Variants in POLK observed in about 807,000 individuals in gnomAD.
POLK encodes DNA polymerase kappa.
In POLK, 76 loss-of-function variants were observed where a neutral mutation model predicts 94.0. That is an observed-to-expected ratio of 0.81 (90% CI 0.67 to 0.98). POLK has a LOEUF of 0.98. Ranked by LOEUF, POLK falls within the 50% of genes least tolerant of loss-of-function variation. POLK has a pLI of 0.00. For synonymous variants in POLK, 349 were observed against 325.4 expected (o/e 1.07, Z -0.78); for missense variants, 954 against 1,010.1 (o/e 0.94, Z 0.75).
chr5:75,607,782 T>C, the POLK span, among the ~76,000 whole-genome samples: 2 of 152,168 alleles, frequency 1.3e-5, no homozygotes, highest in Non-Finnish European at 2.9e-5. Context: ...TCCTATTAAT[T>C]ATAGCTGAAT....
intron 1 of POLK, among the ~76,000 whole-genome samples, chr5:75,533,380 A>G (rs909414625): frequency 1.3e-5 from 2 of 152,170 alleles, no homozygotes; most frequent in African/African-American, 4.8e-5. Flanking sequence ...ATTTTGTCAA[A>G]TATCAAATGA....
upstream of POLK, chr5:75,511,508 C>A: frequency 2.0e-6 from 3 of 1,477,524 alleles, no homozygotes; most frequent in Admixed American, 2.5e-5. Flanking sequence ...TTAGCCCCCT[C>A]GATGCCAATT....
intron 10 of POLK, 21 bp from the exon 11 acceptor site, chr5:75,590,323 A>T (rs755491913): frequency 7.0e-7 from 1 of 1,427,748 alleles, no homozygotes; most frequent in South Asian, 1.3e-5. Context: ...TTGTGCGCCA[A>T]AATTATTCTT....
At chr5:75,528,773 C>T (rs764425699) in intron 1 of POLK, among the ~76,000 whole-genome samples, 10 of 152,082 alleles carry the variant, frequency 6.6e-5, no homozygotes, top group Middle Eastern at 3.2e-3. Context: ...ATTGTGCTGC[C>T]GCACTCCAAC....
chr5:75,579,775 G>A (rs1393598571), intron 6 of POLK, among the ~76,000 whole-genome samples: 1 of 151,918 alleles, frequency 6.6e-6, no homozygotes, highest in Non-Finnish European at 1.5e-5. Flanking sequence ...GGCGAGGCAA[G>A]GTGGTTCACA....
At chr5:75,531,790 T>C (rs917351424) in intron 1 of POLK, among the ~76,000 whole-genome samples, 1 of 146,362 alleles carries the variant, frequency 6.8e-6, no homozygotes, top group Non-Finnish European at 1.5e-5. Flanking sequence ...AGACTCTGTC[T>C]CAAAAAAAAA....
chr5:75,581,172 A>G (rs1245108148), intron 6 of POLK, 37 bp from the exon 7 acceptor site: 4 of 1,460,508 alleles, frequency 2.7e-6, no homozygotes, highest in Non-Finnish European at 3.8e-6. Context: ...TATACTTCTT[A>G]AAATAAAGGT....
chr5:75,573,600 C>A (rs1771714764), intron 4 of POLK, 138 bp from the exon 5 acceptor site: 1 of 703,888 alleles, frequency 1.4e-6, no homozygotes, highest in Non-Finnish European at 2.4e-6. Context: ...ACAACAAAAA[C>A]AAAAACAAAA....
At chr5:75,530,789 G>A (rs895176728) in intron 1 of POLK, among the ~76,000 whole-genome samples, 4 of 149,512 alleles carry the variant, frequency 2.7e-5, no homozygotes, top group Non-Finnish European at 5.9e-5. Flanking sequence ...TTGCCCTCTT[G>A]AAATTTTTTT....
upstream of POLK, chr5:75,511,603 G>A: frequency 2.7e-6 from 4 of 1,466,888 alleles, no homozygotes; most frequent in South Asian, 4.1e-5. Context: ...CGCTACCGCC[G>A]CCATCTTCCT....
At chr5:75,602,375 G>C (rs1773314233), downstream of POLK, among the ~76,000 whole-genome samples, 1 of 152,092 alleles carries the variant, frequency 6.6e-6, no homozygotes, top group Admixed American at 6.6e-5. Context: ...AAGGCCTCAG[G>C]CATACTAGAA....
chr5:75,565,014 C>T lies in POLK; in HGVS notation c.256-4326C>T, dbSNP rs535668254. On this transcript the variant is annotated intron_variant, in intron 3 of 14. Coordinates refer to ENST00000241436, the Ensembl canonical transcript of POLK. Reference sequence around the variant, plus strand: ...CCATTCTTCTTGTCAGTTTTAGTTTCACCAATCAAATGTAGGTTTGGTCTT... The same window carrying T: ...CCATTCTTCTTGTCAGTTTTAGTTTTACCAATCAAATGTAGGTTTGGTCTT... Among the ~76,000 whole-genome samples, 4 of 152,250 alleles carry T rather than the reference C, an allele frequency of 2.6e-5. No homozygotes were observed. The East Asian group carries it at 7.7e-4, about 29-fold the overall frequency.
At position 75,596,977 on chromosome 5, in the gene POLK, G is replaced by T. The variant is rs1773124502; in HGVS notation, c.2284G>T (p.Glu762Ter). ...CGAAGATGTTGGATCATTTAGACAAGAATACCGCCAGCCTTACTTATGTGA... is the reference window on the plus strand; with the variant it reads ...CGAAGATGTTGGATCATTTAGACAATAATACCGCCAGCCTTACTTATGTGA... Residue 762 changes from glutamate (E) to a stop codon, truncating the protein, a stop_gained, in exon 13 of 15, where the codon GAA becomes TAA. Transcript: ENST00000241436. LOFTEE classifies it high-confidence loss of function. The T allele has an allele frequency of 6.2e-7, 1 of 1,613,774 alleles. No homozygotes were observed. Among genetic ancestry groups the T allele is most frequent in the African/African-American group, 1.3e-5 (1 of 75,024 alleles).
chr5:75,560,118 T>C (rs542671353), intron 3 of POLK, among the ~76,000 whole-genome samples: 8 of 152,218 alleles, frequency 5.3e-5, no homozygotes, highest in Non-Finnish European at 8.8e-5. Flanking sequence ...TGTTTAGTGC[T>C]AACATTTACT....
intron 1 of POLK, among the ~76,000 whole-genome samples, chr5:75,522,670 T>G (rs904816534): frequency 4.6e-5 from 7 of 152,158 alleles, no homozygotes; most frequent in Non-Finnish European, 7.4e-5. Flanking sequence ...TTTTAAATTA[T>G]TTTATTTTTA....
intron 2 of POLK, among the ~76,000 whole-genome samples, chr5:75,547,566 G>A (rs978346066): frequency 6.6e-6 from 1 of 151,788 alleles, no homozygotes; most frequent in Admixed American, 6.6e-5. Flanking sequence ...AAAAGTTTAT[G>A]GATAAATATA....
intron 3 of POLK, among the ~76,000 whole-genome samples, chr5:75,558,364 G>A (rs1244549279): frequency 6.6e-6 from 1 of 151,672 alleles, no homozygotes; most frequent in Non-Finnish European, 1.5e-5. Context: ...TTGTTTTGAT[G>A]TAAAGTGTGA....
rs369731760 is a variant in POLK at position 75,596,454 on chromosome 5, C to T, written c.1761C>T (p.Ala587=). The T allele has an allele frequency of 3.8e-5, 62 of 1,613,450 alleles. No homozygotes were observed. In the African/African-American group the frequency reaches 4.5e-4, roughly 12 times the overall value. Residue 587 remains alanine (A), a synonymous_variant, in exon 13 of 15, where the codon GCC becomes GCT. Coordinates refer to ENST00000241436, the Ensembl canonical transcript of POLK. ...ACCAAGATACATTTAAATGTGAAGC[C>T]GTGAATAAACAAAGTTTCCAGACAT...
At chr5:75,535,284 C>T (rs1580950946) in intron 1 of POLK, among the ~76,000 whole-genome samples, 1 of 152,272 alleles carries the variant, frequency 6.6e-6, no homozygotes, top group East Asian at 1.9e-4. Context: ...TATAGGTCCC[C>T]AATCTCTTCT....
Sources: allele counts gnomAD v4.1 joint callset (sites outside exome capture counted in the v4.1 genomes callset), GRCh38; gene constraint gnomAD v4.1.1; transcripts MANE v1.5; gene names NCBI Gene and HGNC (gene_info 2026-07-23, HGNC 2026-07-21).